LUC7L2: variants seen among roughly 807,000 people sequenced by gnomAD.
LUC7L2 encodes putative RNA-binding protein Luc7-like 2.
Under a neutral mutation model 52.8 loss-of-function variants are expected in LUC7L2, and 25 were observed. That is an observed-to-expected ratio of 0.47 (90% CI 0.34 to 0.66). The LOEUF (loss-of-function observed/expected upper bound fraction) is 0.66. Ranked by LOEUF, LUC7L2 falls within the 30% of genes least tolerant of loss-of-function variation. The pLI is 0.01. For missense variants in LUC7L2, 328 were observed against 497.8 expected (o/e 0.66, Z 3.25); for synonymous variants, 144 against 160.9 (o/e 0.89, Z 0.80).
chr7:139,387,324 GCTGGGA>G (rs1314083553), intron 2 of LUC7L2, among the ~76,000 whole-genome samples: 10 of 151,934 alleles, frequency 6.6e-5, no homozygotes, highest in Admixed American at 3.3e-4. Flanking sequence ...CTCCCGAGTA[GCTGGGA>G]CTGCAGGCGC....
At chr7:139,363,346 A>T (rs1283895734) in intron 1 of LUC7L2, 2 of 685,656 alleles carry the variant, frequency 2.9e-6, no homozygotes, top group African/African-American at 1.9e-5. Flanking sequence ...GTCTGACTGT[A>T]TTTGGATTTT....
chr7:139,414,189 A>G (rs1001004180), intron 8 of LUC7L2, among the ~76,000 whole-genome samples: 7 of 152,196 alleles, frequency 4.6e-5, no homozygotes, highest in African/African-American at 1.4e-4. Context: ...GAGCCTTTAA[A>G]TAAATGAAAT....
chr7:139,398,118 C>G (rs1047790942), intron 2 of LUC7L2, among the ~76,000 whole-genome samples: 13 of 152,190 alleles, frequency 8.5e-5, no homozygotes, highest in African/African-American at 3.1e-4. Flanking sequence ...CTTGGCCTTC[C>G]AAAGTGCTGG....
chr7:139,359,711 GCA>G (rs1799755733), upstream of LUC7L2: 7 of 398,598 alleles, frequency 1.8e-5, no homozygotes, highest in Non-Finnish European at 3.1e-5. Context: ...GATCCGGCTT[GCA>G]CAGTCAGTTA....
intron 1 of LUC7L2, among the ~76,000 whole-genome samples, chr7:139,362,612 C>T (rs1473430210): frequency 7.0e-6 from 1 of 143,686 alleles, no homozygotes; most frequent in Non-Finnish European, 1.5e-5. Context: ...GTATTTAAGG[C>T]AACTCTGTCC....
intron 1 of LUC7L2, chr7:139,374,956 A>G: frequency 1.0e-6 from 1 of 987,176 alleles, no homozygotes; most frequent in Non-Finnish European, 1.2e-6. Context: ...TATCATGTGA[A>G]ATACAGAGGT....
At chr7:139,379,669 A>G (rs1299084458) in intron 2 of LUC7L2, among the ~76,000 whole-genome samples, 1 of 137,802 alleles carries the variant, frequency 7.3e-6, no homozygotes, top group African/African-American at 2.7e-5. Context: ...TCCAGGTTCA[A>G]GTGATTCTGC....
rs548918768 is a variant in LUC7L2 at position 139,384,363 on chromosome 7, T to C, written c.156+8207T>C. On this transcript the variant is annotated intron_variant, in intron 2 of 9. Coordinates refer to ENST00000354926, the MANE Select transcript of LUC7L2 (RefSeq NM_016019.5). Reference sequence around the variant, plus strand: ...TCACTGCAACCTCTGCCTCTCGGGTTCAACCGATTCTCCTGCCTCAGCCTC... The same window carrying C: ...TCACTGCAACCTCTGCCTCTCGGGTCCAACCGATTCTCCTGCCTCAGCCTC... 5.3e-5 allele frequency among the ~76,000 whole-genome samples: 8 copies of C among 151,752 alleles called. No individual in the cohort carries two copies. The South Asian group carries it at 1.5e-3, about 28-fold the overall frequency.
chr7:139,345,482 T>C, intron 1 of LUC7L2: 1 of 1,614,032 alleles, frequency 6.2e-7, no homozygotes. Context: ...TAAGAATTTC[T>C]GACTTGCTGC....
At chr7:139,359,547 A>C (rs1367906811), upstream of LUC7L2, 3 of 302,554 alleles carry the variant, frequency 9.9e-6, no homozygotes, top group Admixed American at 5.1e-5. Flanking sequence ...CCGGTCGACG[A>C]TGGGCATGGT....
At chr7:139,342,543 G>A (rs1799037006) in intron 1 of LUC7L2, among the ~76,000 whole-genome samples, 1 of 152,054 alleles carries the variant, frequency 6.6e-6, no homozygotes, top group Non-Finnish European at 1.5e-5. Context: ...TTCTAAGATT[G>A]TGATCACCTC....
rs550394842 is a variant in LUC7L2, at chr7:139,420,320, C to T, written c.1002-1843C>T. Among the ~76,000 whole-genome samples the T allele has an allele frequency of 5.9e-5, 9 of 152,274 alleles. 1 individual carries two copies. The highest frequency in any genetic ancestry group is 2.1e-4 in the South Asian group (1 of 4,826). On this transcript the variant is annotated intron_variant, in intron 9 of 9. Transcript: ENST00000354926. ...GCGGGTTCAAGCGATTCTTTTGCCT[C>T]GGCCTCCCAAGTAGCTGGGATTACA...
chr7:139,414,457 G>A (rs1001050630), intron 8 of LUC7L2, among the ~76,000 whole-genome samples: 27 of 152,200 alleles, frequency 1.8e-4, no homozygotes, highest in African/African-American at 6.0e-4. Context: ...GGCAGCATGC[G>A]GCTTGGAGGC....
At chr7:139,412,705 G>C in intron 8 of LUC7L2, 125 bp downstream of exon 8, 1 of 1,147,502 alleles carries the variant, frequency 8.7e-7, no homozygotes, top group Non-Finnish European at 1.2e-6. Flanking sequence ...ATGCATGCTT[G>C]TAATCCCAGC....
At chr7:139,396,576 G>A (rs1262362495) in intron 2 of LUC7L2, among the ~76,000 whole-genome samples, 1 of 152,138 alleles carries the variant, frequency 6.6e-6, no homozygotes, top group African/African-American at 2.4e-5. Flanking sequence ...CACATCTTTT[G>A]TCTTCTCTAT....
intron 1 of LUC7L2, chr7:139,341,552 G>C: frequency 6.2e-7 from 1 of 1,601,392 alleles, no homozygotes; most frequent in Non-Finnish European, 8.5e-7. Flanking sequence ...GGTGCTCTAC[G>C]TGCTGGGGAG....
chr7:139,371,322 C>A, intron 1 of LUC7L2: 2 of 721,468 alleles, frequency 2.8e-6, no homozygotes, highest in South Asian at 3.0e-5. Flanking sequence ...TTAAATATGT[C>A]AAATATTACA....
rs1279409441 is a variant in LUC7L2 at position 139,417,551 on chromosome 7, G to A, written c.823G>A (p.Glu275Lys). ...SKNPKRSRSR[E>K]HRRHRSRSMS... is the part of the protein sequence containing the mutation. ...CTTGTCTGGTAGATCCAGGTCCAGA[G>A]AGCATCGCAGACATCGATCTCGCTC... is the stretch of plus-strand genomic sequence containing the variant. The change falls in exon 9 of 10, where the codon GAG becomes AAG. Residue 275 changes from glutamate to lysine, a missense_variant. Around this residue, in one of 2 missense-constraint regions of LUC7L2, gnomAD observed 195 missense variants for 223.3 expected, o/e 0.87. Coordinates refer to ENST00000354926, the MANE Select transcript of LUC7L2 (RefSeq NM_016019.5). 6.2e-7 allele frequency: 1 copy of A among 1,614,004 alleles called. No homozygotes were observed. The highest frequency in any genetic ancestry group is 1.1e-5 in the South Asian group (1 of 91,072).
chr7:139,401,260 G>A lies in LUC7L2; in HGVS notation c.256-877G>A, dbSNP rs182330376. ...CAGTTTGGAGAATTAAAAGAAAAAAGGGTAAAAATGTTCGGAAATACTTAC... is the reference window on the plus strand; with the variant it reads ...CAGTTTGGAGAATTAAAAGAAAAAAAGGTAAAAATGTTCGGAAATACTTAC... On this transcript the variant is annotated intron_variant, in intron 3 of 9. Coordinates refer to ENST00000354926, the MANE Select transcript of LUC7L2 (RefSeq NM_016019.5). Among the ~76,000 whole-genome samples the A allele has an allele frequency of 4.5e-3, 682 of 152,018 alleles. 5 individuals are homozygous for A. The highest frequency in any genetic ancestry group is 0.016 in the African/African-American group (648 of 41,410).
Sources: allele counts gnomAD v4.1 joint callset (sites outside exome capture counted in the v4.1 genomes callset), GRCh38; gene constraint gnomAD v4.1.1; regional missense constraint gnomAD v4.1.1; transcripts MANE v1.5; gene names NCBI Gene and HGNC (gene_info 2026-07-23, HGNC 2026-07-21).